Variants in MERTK observed in about 807,000 individuals in gnomAD.
MERTK encodes tyrosine-protein kinase Mer.
In MERTK, 69 loss-of-function variants were observed where a neutral mutation model predicts 99.3. The observed-to-expected ratio is 0.70, with a 90% CI of 0.57 to 0.85. The LOEUF (loss-of-function observed/expected upper bound fraction) is 0.85. MERTK is among the 40% of genes least tolerant of loss of function. The probability of loss-of-function intolerance (pLI) is 0.00; values close to 1 mark genes in which losing one functional copy is unlikely to be tolerated. For synonymous variants in MERTK, 426 were observed against 467.6 expected (o/e 0.91, Z 1.15); for missense variants, 1,125 against 1,249.4 (o/e 0.90, Z 1.50).
At chr2:112,012,234 G>T (rs997213121) in intron 15 of MERTK, among the ~76,000 whole-genome samples, 4 of 76,196 alleles carry the variant, frequency 5.2e-5, no homozygotes, top group African/African-American at 2.0e-4. Context: ...CCTTCCCCCC[G>T]CCCCCCACAT....
At chr2:112,010,140 T>A in intron 15 of MERTK, 74 bp downstream of exon 15, 1 of 1,130,766 alleles carries the variant, frequency 8.8e-7, no homozygotes, top group Non-Finnish European at 1.3e-6. Flanking sequence ...CCAAATCATC[T>A]AATCTTGAAA....
At chr2:111,978,875 C>A (rs928366672) in intron 7 of MERTK, among the ~76,000 whole-genome samples, 6 of 152,144 alleles carry the variant, frequency 3.9e-5, no homozygotes, top group Non-Finnish European at 8.8e-5. Flanking sequence ...CCTGTAGGGT[C>A]TTGCTTTTAA....
rs146734505 is a variant in MERTK at position 111,962,780 on chromosome 2, T to C, written c.758-2411T>C. ...ACATTGCATTTAGTCATCTATGTCTTATTAGGCTCCTCTTGGCTGTGACAA... is the reference window on the plus strand; with the variant it reads ...ACATTGCATTTAGTCATCTATGTCTCATTAGGCTCCTCTTGGCTGTGACAA... On this transcript the variant is annotated intron_variant, in intron 4 of 18. Transcript: ENST00000295408. Among the ~76,000 whole-genome samples the C allele has an allele frequency of 1.3e-3, 195 of 152,338 alleles. 1 individual carries two copies. The highest frequency in any genetic ancestry group is 3.9e-3 in the South Asian group (19 of 4,826).
At chr2:111,948,559 G>A (rs1485741872) in intron 4 of MERTK, among the ~76,000 whole-genome samples, 1 of 152,082 alleles carries the variant, frequency 6.6e-6, no homozygotes, top group Non-Finnish European at 1.5e-5. Context: ...CTTAACCCCA[G>A]ACTTGTTCCA....
chr2:111,955,638 C>A (rs992585649), intron 4 of MERTK, among the ~76,000 whole-genome samples: 1 of 152,112 alleles, frequency 6.6e-6, no homozygotes, highest in South Asian at 2.1e-4. Flanking sequence ...AAGTCACTTT[C>A]CTGGTTTTGA....
At chr2:111,912,681 A>G (rs1350987784) in intron 1 of MERTK, among the ~76,000 whole-genome samples, 9 of 152,140 alleles carry the variant, frequency 5.9e-5, no homozygotes. Flanking sequence ...AGATCTGAGA[A>G]TACTCCTCAG....
chr2:111,934,022 G>A (rs929366467), intron 2 of MERTK, among the ~76,000 whole-genome samples: 16 of 152,126 alleles, frequency 1.1e-4, no homozygotes, highest in African/African-American at 2.2e-4. Context: ...GGTTTCCAGC[G>A]TCATCCATGT....
chr2:112,001,383 G>A (rs1214835829), intron 11 of MERTK, 97 bp downstream of exon 11: 16 of 951,788 alleles, frequency 1.7e-5, no homozygotes, highest in Admixed American at 7.2e-5. Flanking sequence ...CAAAGATGTC[G>A]AAGAAGAATG....
rs1314548160 is a variant in MERTK at position 111,922,117 on chromosome 2, G to A, written c.62-7003G>A. ...GGGGTAGCTGGGGTGGGGTGGAACT[G>A]AACAGGGTTCACCAGCCAGCACCCT... On this transcript the variant is annotated intron_variant, in intron 1 of 18. Coordinates refer to ENST00000295408, the MANE Select transcript of MERTK (RefSeq NM_006343.3). 3.9e-5 allele frequency among the ~76,000 whole-genome samples: 6 copies of A among 152,296 alleles called. No homozygotes were observed. The South Asian group carries it at 6.2e-4, about 16-fold the overall frequency.
intron 7 of MERTK, among the ~76,000 whole-genome samples, chr2:111,981,023 A>G (rs1676362459): frequency 6.6e-6 from 1 of 152,182 alleles, no homozygotes; most frequent in African/African-American, 2.4e-5. Context: ...TTTATCCACA[A>G]ATTCTACAAC....
At chr2:112,001,130 C>A in intron 10 of MERTK, 71 bp from the exon 11 acceptor site, 1 of 1,173,166 alleles carries the variant, frequency 8.5e-7, no homozygotes, top group Non-Finnish European at 1.3e-6. Context: ...TCTGTAGCAT[C>A]CTTGTGGAAT....
At chr2:111,976,060 G>A (rs1027159376) in intron 7 of MERTK, among the ~76,000 whole-genome samples, 8 of 151,894 alleles carry the variant, frequency 5.3e-5, no homozygotes, top group Non-Finnish European at 1.0e-4. Context: ...TTGCTAGAAC[G>A]GTTCACAGAC....
At chr2:111,998,696 G>T (rs1288211867) in intron 10 of MERTK, among the ~76,000 whole-genome samples, 2 of 152,162 alleles carry the variant, frequency 1.3e-5, no homozygotes, top group Admixed American at 6.5e-5. Flanking sequence ...GAGAAGAAGA[G>T]CATTACAGCC....
At chr2:111,920,903 G>A (rs74695254) in intron 1 of MERTK, among the ~76,000 whole-genome samples, 34,966 of 151,466 alleles carry the variant, frequency 0.23, 4,320 homozygotes, top group Middle Eastern at 0.37. Context: ...TGATCTGCCC[G>A]CCTCGGCCTC....
intron 6 of MERTK, among the ~76,000 whole-genome samples, chr2:111,971,775 CTGT>C (rs1443531046): frequency 6.6e-6 from 1 of 152,180 alleles, no homozygotes; most frequent in Non-Finnish European, 1.5e-5. Context: ...GTACATTCAG[CTGT>C]TGTTGGATGA....
intron 8 of MERTK, among the ~76,000 whole-genome samples, chr2:111,992,219 A>G (rs1282431403): frequency 6.6e-6 from 1 of 152,090 alleles, no homozygotes; most frequent in Non-Finnish European, 1.5e-5. Context: ...GCTCAGTCTA[A>G]TAGTACTAGA....
chr2:112,028,156 T>C, intron 18 of MERTK, 195 bp from the exon 19 acceptor site: 2 of 643,276 alleles, frequency 3.1e-6, no homozygotes, highest in South Asian at 4.0e-5. Context: ...CAGAATCACT[T>C]TTTTGTCAAA....
At position 112,008,386 on chromosome 2, in the gene MERTK, A is replaced by AC; in HGVS notation, c.1872dup (p.Asn625GlnfsTer13). On this transcript the variant is annotated frameshift_variant, in exon 14 of 19. Transcript: ENST00000295408. LOFTEE classifies it high-confidence loss of function. ...CCTTTTCTATTTTCTCCTCTAGTGGACAACTCTTCACAGCGGGAGATCGAG... is the reference window on the plus strand; with the variant it reads ...CCTTTTCTATTTTCTCCTCTAGTGGACCAACTCTTCACAGCGGGAGATCGAG... 1.9e-6 allele frequency: 3 copies of AC among 1,612,600 alleles called. No individual in the cohort carries two copies. The highest frequency in any genetic ancestry group is 2.5e-6 in the Non-Finnish European group (3 of 1,178,616).
chr2:111,948,147 A>T (rs1684994548), intron 4 of MERTK, among the ~76,000 whole-genome samples: 1 of 151,976 alleles, frequency 6.6e-6, no homozygotes, highest in Non-Finnish European at 1.5e-5. Context: ...GGCTCCTCTC[A>T]TTGCATCTTT....
Sources: allele counts gnomAD v4.1 joint callset (sites outside exome capture counted in the v4.1 genomes callset), GRCh38; gene constraint gnomAD v4.1.1; transcripts MANE v1.5; gene names NCBI Gene and HGNC (gene_info 2026-07-23, HGNC 2026-07-21).